ATP6V1A: variants seen among roughly 807,000 people sequenced by gnomAD.
ATP6V1A encodes the protein ATPase H+ transporting V1 subunit A, also known as V-type proton ATPase catalytic subunit A.
In ATP6V1A, 18 loss-of-function variants were observed where a neutral mutation model predicts 70.1. The ratio of observed to expected loss-of-function variants is 0.26; its 90% CI spans 0.18 to 0.38. The LOEUF is 0.38. Among genes scored for constraint, ATP6V1A ranks in the 10% least tolerant of loss-of-function variants. The pLI is 1.00. For missense variants in ATP6V1A, 424 were observed against 772.4 expected (o/e 0.55, Z 5.35); for synonymous variants, 232 against 253.8 (o/e 0.91, Z 0.82).
At chr3:113,759,317 C>T (rs1186325772) in intron 1 of ATP6V1A, among the ~76,000 whole-genome samples, 7 of 130,118 alleles carry the variant, frequency 5.4e-5, no homozygotes, top group African/African-American at 1.5e-4. Flanking sequence ...TTTATGTATA[C>T]GTTGGTTCTA....
chr3:113,770,102 G>T (rs1708818360), intron 1 of ATP6V1A, among the ~76,000 whole-genome samples: 1 of 151,734 alleles, frequency 6.6e-6, no homozygotes, highest in Non-Finnish European at 1.5e-5. Flanking sequence ...AGGCTGGAGT[G>T]CAGTGGAGCA....
rs1284654482 is a variant in ATP6V1A at position 113,793,861 on chromosome 3, AG to A, written c.989-1010del. 3.3e-5 allele frequency among the ~76,000 whole-genome samples: 5 copies of A among 152,180 alleles called. No individual in the cohort carries two copies. In the East Asian group the frequency reaches 9.6e-4, roughly 29 times the overall value. ...AATAAAAAAACCAAGGCATTATAAA[AG>A]TTCCAAAATCTTTTGGAACTTTTAT... is the stretch of plus-strand genomic sequence containing the variant. On this transcript the variant is annotated intron_variant, in intron 8 of 14. Coordinates refer to ENST00000273398, the MANE Select transcript of ATP6V1A (RefSeq NM_001690.4).
At chr3:113,792,288 C>A (rs1709103965) in intron 8 of ATP6V1A, among the ~76,000 whole-genome samples, 1 of 151,870 alleles carries the variant, frequency 6.6e-6, no homozygotes, top group Non-Finnish European at 1.5e-5. Context: ...CATCCTTAAA[C>A]ATATATTTTT....
chr3:113,784,516 T>G lies in ATP6V1A; in HGVS notation c.426+78T>G, dbSNP rs933455823. The G allele has an allele frequency of 4.9e-6, 7 of 1,427,050 alleles. No homozygotes were observed. In the African/African-American group the frequency reaches 1.0e-4, roughly 20 times the overall value. 88.4% of individuals were successfully genotyped at this position (1,427,050 alleles called of 1,614,324 possible). Reference sequence around the variant, plus strand: ...ATGTTTAGTAAACTACATTGTACTCTTAGTCCAAATAAAAATAGACTACAG... The same window carrying G: ...ATGTTTAGTAAACTACATTGTACTCGTAGTCCAAATAAAAATAGACTACAG... On this transcript the variant is annotated intron_variant, in intron 4 of 14. Coordinates refer to ENST00000273398, the MANE Select transcript of ATP6V1A (RefSeq NM_001690.4).
intron 12 of ATP6V1A, among the ~76,000 whole-genome samples, chr3:113,800,042 C>T (rs1014108437): frequency 1.3e-5 from 2 of 151,906 alleles, no homozygotes; most frequent in African/African-American, 4.8e-5. Context: ...ACCAGCCTGG[C>T]CAGCATGGTG....
Position 113,786,287 on chromosome 3 carries a change from A to T in ATP6V1A, c.620A>T (p.Gln207Leu). 1.9e-6 allele frequency: 3 copies of T among 1,612,246 alleles called. No homozygotes were observed. Among genetic ancestry groups the T allele is most frequent in the Non-Finnish European group, 2.5e-6 (3 of 1,178,850 alleles). Reference sequence around the variant, plus strand: ...GTAAAGGAGAAGTTCACCATGGTGCAAGTATGGCCTGTACGTCAAGTTCGA... The same window carrying T: ...GTAAAGGAGAAGTTCACCATGGTGCTAGTATGGCCTGTACGTCAAGTTCGA... ...EGVKEKFTMV[Q>L]VWPVRQVRPV... Residue 207 changes from glutamine (Q) to leucine (L), a missense_variant, in exon 6 of 15, where the codon CAA (glutamine) becomes CTA (leucine). Around this residue, in one of 9 missense-constraint regions of ATP6V1A, gnomAD observed 139 missense variants for 163.5 expected, o/e 0.85. Coordinates refer to ENST00000273398, the MANE Select transcript of ATP6V1A (RefSeq NM_001690.4).
chr3:113,805,638 G>A, intron 14 of ATP6V1A, 113 bp downstream of exon 14: 4 of 1,042,158 alleles, frequency 3.8e-6, no homozygotes, highest in South Asian at 1.7e-5. Context: ...GCATGATCTT[G>A]TCTCACTGCA....
intron 1 of ATP6V1A, among the ~76,000 whole-genome samples, chr3:113,768,674 C>T (rs1374620449): frequency 6.7e-6 from 1 of 148,228 alleles, no homozygotes; most frequent in Admixed American, 6.9e-5. Context: ...CGGCTCAGTG[C>T]AACCTCTGCC....
At chr3:113,792,891 A>G (rs1376911071) in intron 8 of ATP6V1A, among the ~76,000 whole-genome samples, 1 of 152,188 alleles carries the variant, frequency 6.6e-6, no homozygotes, top group Non-Finnish European at 1.5e-5. Flanking sequence ...AATTTTAACT[A>G]TTCTTGCTTT....
chr3:113,800,076 C>A (rs1709193084), intron 12 of ATP6V1A, among the ~76,000 whole-genome samples: 1 of 151,800 alleles, frequency 6.6e-6, no homozygotes, highest in Non-Finnish European at 1.5e-5. Flanking sequence ...ACTAAAAATA[C>A]AAAAAATTAG....
chr3:113,809,586 T>C lies in ATP6V1A; in HGVS notation c.*159T>C, dbSNP rs943777228. The stretch of plus-strand genomic sequence containing the variant: ...TGTTTCCCTGTTTTTTTGGTAGGTC[T>C]TATATAAAACAAACATTCCTTTGTT... On this transcript the variant is annotated 3_prime_UTR_variant, in exon 15 of 15. Transcript: ENST00000273398. 5.0e-6 allele frequency: 3 copies of C among 595,058 alleles called. No homozygotes were observed. The highest frequency in any genetic ancestry group is 8.8e-6 in the Non-Finnish European group (3 of 340,522). The allele number at this position is 595,058 out of a possible 1,614,324, so 36.9% of individuals were successfully genotyped here.
At chr3:113,795,718 T>C (rs1030271960) in intron 10 of ATP6V1A, among the ~76,000 whole-genome samples, 158 bp from the exon 11 acceptor site, 9 of 152,088 alleles carry the variant, frequency 5.9e-5, no homozygotes, top group Non-Finnish European at 1.3e-4. Context: ...TTAGGTAAGA[T>C]TTTCTTTCCA....
intron 1 of ATP6V1A, among the ~76,000 whole-genome samples, chr3:113,749,985 A>G (rs981599741): frequency 6.6e-6 from 1 of 152,208 alleles, no homozygotes; most frequent in African/African-American, 2.4e-5. Context: ...TCATCAAAAT[A>G]TGGGAGAGAA....
chr3:113,788,177 C>T (rs1577091286), intron 6 of ATP6V1A, among the ~76,000 whole-genome samples: 1 of 152,282 alleles, frequency 6.6e-6, no homozygotes, highest in Non-Finnish European at 1.5e-5. Flanking sequence ...TCTCCCAAAG[C>T]ATTGGGATTA....
rs754545467 is a variant in ATP6V1A, at chr3:113,805,533, T to C, written c.1761+8T>C. The C allele has an allele frequency of 3.9e-5, 62 of 1,596,704 alleles. No homozygotes were observed. Among genetic ancestry groups the C allele is most frequent in the Non-Finnish European group, 5.1e-5 (60 of 1,171,782 alleles). On this transcript the variant is annotated splice_region_variant and intron_variant, in intron 14 of 14. Transcript: ENST00000273398. ...TCCTCCATGAAATTCAAGGTATATT[T>C]TGTTTCTGCTGTAACTTTTTTTATT...
intron 1 of ATP6V1A, among the ~76,000 whole-genome samples, chr3:113,777,482 ATGGTGGCTCACAC>A (rs1708928138): frequency 6.6e-6 from 1 of 152,204 alleles, no homozygotes; most frequent in Non-Finnish European, 1.5e-5. Context: ...AGTGCTGAAC[ATGGTGGCTCACAC>A]CTGTAATCCC....
chr3:113,766,453 C>A (rs1300665310), intron 1 of ATP6V1A, among the ~76,000 whole-genome samples: 1 of 152,102 alleles, frequency 6.6e-6, no homozygotes, highest in Non-Finnish European at 1.5e-5. Flanking sequence ...CACCACCACG[C>A]CCAGCTAATT....
At chr3:113,753,655 A>T (rs1461480192) in intron 1 of ATP6V1A, among the ~76,000 whole-genome samples, 1 of 149,746 alleles carries the variant, frequency 6.7e-6, no homozygotes, top group Non-Finnish European at 1.5e-5. Context: ...ATTAGAAAGG[A>T]TTTCCAAGTA....
intron 1 of ATP6V1A, among the ~76,000 whole-genome samples, chr3:113,751,064 G>C (rs888835674): frequency 1.3e-5 from 2 of 152,054 alleles, no homozygotes; most frequent in African/African-American, 2.4e-5. Flanking sequence ...AATTTAAGGA[G>C]GCAGTTCTTC....
Sources: allele counts gnomAD v4.1 joint callset (sites outside exome capture counted in the v4.1 genomes callset), GRCh38; gene constraint gnomAD v4.1.1; regional missense constraint gnomAD v4.1.1; transcripts MANE v1.5; gene names NCBI Gene and HGNC (gene_info 2026-07-23, HGNC 2026-07-21).